CERS6: variants seen among roughly 807,000 people sequenced by gnomAD.
CERS6 encodes the protein LAG1 homolog, ceramide synthase 6.
Under a neutral mutation model 56.8 loss-of-function variants are expected in CERS6, and 26 were observed. That is an observed-to-expected ratio of 0.46 (90% CI 0.34 to 0.63). The LOEUF is 0.63. CERS6 is among the 30% of genes least tolerant of loss of function. The pLI is 0.01. For synonymous variants in CERS6, 164 were observed against 173.3 expected (o/e 0.95, Z 0.42); for missense variants, 415 against 467.5 (o/e 0.89, Z 1.04).
chr2:168,737,961 G>A (rs1402588049), intron 8 of CERS6, among the ~76,000 whole-genome samples: 1 of 152,156 alleles, frequency 6.6e-6, no homozygotes, highest in Non-Finnish European at 1.5e-5. Context: ...GTATAGATGA[G>A]ATATCTGTAC....
At chr2:168,729,855 C>G (rs1008764902) in intron 8 of CERS6, among the ~76,000 whole-genome samples, 1 of 152,168 alleles carries the variant, frequency 6.6e-6, no homozygotes, top group Non-Finnish European at 1.5e-5. Flanking sequence ...GATAAAGAAT[C>G]ATTTCTTCTT....
intron 3 of CERS6, among the ~76,000 whole-genome samples, chr2:168,597,680 A>G (rs992297047): frequency 2.0e-5 from 3 of 152,220 alleles, no homozygotes; most frequent in African/African-American, 7.2e-5. Flanking sequence ...TTGAATATGT[A>G]AAGTTTTAGA....
rs145764483 is a variant in CERS6 at position 168,466,604 on chromosome 2, T to C, written c.170+9986T>C. Among the ~76,000 whole-genome samples the C allele has an allele frequency of 4.4e-3, 666 of 152,368 alleles. 2 individuals are homozygous for C. Among genetic ancestry groups the C allele is most frequent in the Admixed American group, 6.9e-3 (106 of 15,304 alleles). ...ACAGTAGTTTTTGAAGTTTAATGTT[T>C]GGTCATTGTACAAAATACTGTTTTC... On this transcript the variant is annotated intron_variant, in intron 1 of 9. Transcript: ENST00000305747.
chr2:168,504,891 A>G lies in CERS6; in HGVS notation c.171-42705A>G, dbSNP rs73018565. Reference sequence around the variant, plus strand: ...TTTGTTGGGGTCTAAATGTATGGTAATAGGTGGTGCTGAGTGAATTAGACC... The same window carrying G: ...TTTGTTGGGGTCTAAATGTATGGTAGTAGGTGGTGCTGAGTGAATTAGACC... On this transcript the variant is annotated intron_variant, in intron 1 of 9. Transcript: ENST00000305747. 7.0e-3 allele frequency among the ~76,000 whole-genome samples: 1,070 copies of G among 152,220 alleles called. 11 individuals carry two copies. The highest frequency in any genetic ancestry group is 0.024 in the African/African-American group (982 of 41,534).
rs534289689 is a variant in CERS6, at chr2:168,498,177, C to A, written c.170+41559C>A. The stretch of plus-strand genomic sequence containing the variant: ...AAAGTGTTTGCCAACATTTAAAACC[C>A]TTTTCTAAGGTTATTGATAACCTCT... On this transcript the variant is annotated intron_variant, in intron 1 of 9. Coordinates refer to ENST00000305747, the MANE Select transcript of CERS6 (RefSeq NM_203463.3). Among the ~76,000 whole-genome samples the A allele has an allele frequency of 2.6e-4, 39 of 152,262 alleles. No homozygotes were observed. In the South Asian group the frequency reaches 4.6e-3, roughly 18 times the overall value.
At chr2:168,668,205 A>G (rs568780045) in intron 4 of CERS6, among the ~76,000 whole-genome samples, 101 of 152,114 alleles carry the variant, frequency 6.6e-4, no homozygotes, top group Non-Finnish European at 1.3e-3. Flanking sequence ...GTAATCTCAA[A>G]TGTTCTTCAA....
chr2:168,569,362 A>G lies in CERS6; in HGVS notation c.407+8040A>G, dbSNP rs145225438. 3.1e-4 allele frequency among the ~76,000 whole-genome samples: 47 copies of G among 152,350 alleles called. No individual in the cohort carries two copies. In the East Asian group the frequency reaches 7.9e-3, roughly 26 times the overall value. On this transcript the variant is annotated intron_variant, in intron 3 of 9. Transcript: ENST00000305747. ...AACGTATGTGTTCTGGGGGCACACA[A>G]TTCAGTCTGTAACAATGTCAGAAGG...
intron 1 of CERS6, among the ~76,000 whole-genome samples, chr2:168,492,279 C>T (rs565112718): frequency 6.6e-6 from 1 of 152,354 alleles, no homozygotes; most frequent in South Asian, 2.1e-4. Context: ...TCTCCAGCAT[C>T]TGTCGTTTCC....
intron 1 of CERS6, among the ~76,000 whole-genome samples, chr2:168,510,419 A>T (rs1558977933): frequency 6.6e-6 from 1 of 152,214 alleles, no homozygotes; most frequent in Non-Finnish European, 1.5e-5. Context: ...AGATTCACAG[A>T]TACCATTGTG....
Position 168,772,416 on chromosome 2 carries a change from T to A in CERS6, c.*2754T>A, listed in dbSNP as rs955711745. The stretch of plus-strand genomic sequence containing the variant: ...GATATAAAAACATGTGTTCTATTTA[T>A]GTATATATATGTATGTTTCTCCAAA... On this transcript the variant is annotated 3_prime_UTR_variant, in exon 10 of 10. Transcript: ENST00000305747. The A allele has an allele frequency of 6.6e-6, 1 of 152,630 alleles. No individual in the cohort carries two copies. Among genetic ancestry groups the A allele is most frequent in the African/African-American group, 2.4e-5 (1 of 41,448 alleles). The allele number at this position is 152,630 out of a possible 1,614,324, so 9.5% of individuals were successfully genotyped here.
intron 1 of CERS6, among the ~76,000 whole-genome samples, chr2:168,508,216 T>G (rs1455649989): frequency 6.6e-6 from 1 of 152,204 alleles, no homozygotes; most frequent in Non-Finnish European, 1.5e-5. Context: ...TAACTCAGTG[T>G]TTGAATAAAT....
At chr2:168,497,169 T>G (rs1219562367) in intron 1 of CERS6, among the ~76,000 whole-genome samples, 1 of 152,078 alleles carries the variant, frequency 6.6e-6, no homozygotes, top group African/African-American at 2.4e-5. Context: ...AAAAAGAAAG[T>G]GTGGTAGACA....
In CERS6 at chr2:168,479,808, A is replaced by G. The variant is rs561163214; in HGVS notation, c.170+23190A>G. ...TTTTCAGTAGAGACGGGGTTTCTCC[A>G]TGTTGGTCAGGCTGGTCTCGAACTT... is the stretch of plus-strand genomic sequence containing the variant. On this transcript the variant is annotated intron_variant, in intron 1 of 9. Transcript: ENST00000305747. Among the ~76,000 whole-genome samples the G allele has an allele frequency of 7.2e-5, 11 of 152,192 alleles. No homozygotes were observed. The South Asian group carries it at 1.7e-3, about 23-fold the overall frequency.
chr2:168,470,661 C>A (rs1693959578), intron 1 of CERS6, among the ~76,000 whole-genome samples: 1 of 152,116 alleles, frequency 6.6e-6, no homozygotes, highest in African/African-American at 2.4e-5. Context: ...GTTAAGCTCC[C>A]ACACTTAAAT....
chr2:168,711,571 C>T (rs547632867), intron 6 of CERS6, among the ~76,000 whole-genome samples: 66 of 151,574 alleles, frequency 4.4e-4, no homozygotes, highest in African/African-American at 1.3e-3. Flanking sequence ...CCGTCTCAAC[C>T]GAAAATACAA....
In CERS6 at chr2:168,772,722, G is replaced by A. The variant is rs1320057595; in HGVS notation, c.*3060G>A. ...GTTGAGCATAGGGAAGCAACTCTCAGTATTTTGGATTATTCAAGTGTATGT... is the reference window on the plus strand; with the variant it reads ...GTTGAGCATAGGGAAGCAACTCTCAATATTTTGGATTATTCAAGTGTATGT... On this transcript the variant is annotated 3_prime_UTR_variant, in exon 10 of 10. Coordinates refer to ENST00000305747, the MANE Select transcript of CERS6 (RefSeq NM_203463.3). 6.6e-6 allele frequency: 1 copy of A among 152,614 alleles called. No individual in the cohort carries two copies. Among genetic ancestry groups the A allele is most frequent in the Non-Finnish European group, 1.5e-5 (1 of 68,044 alleles). 9.5% of individuals were successfully genotyped at this position (152,614 alleles called of 1,614,324 possible). A position where few individuals can be genotyped will look rare whatever the true frequency, so the allele number is the denominator to read the frequency against.
intron 1 of CERS6, among the ~76,000 whole-genome samples, chr2:168,492,655 T>C (rs1342828339): frequency 2.0e-5 from 3 of 152,336 alleles, no homozygotes; most frequent in South Asian, 2.1e-4. Flanking sequence ...TTTGTTGCCA[T>C]TGCTTTTGGT....
At chr2:168,689,357 A>G (rs531143914) in intron 4 of CERS6, among the ~76,000 whole-genome samples, 3 of 152,280 alleles carry the variant, frequency 2.0e-5, no homozygotes, top group East Asian at 1.9e-4. Flanking sequence ...CTGCATATAT[A>G]TGGGTATTTA....
intron 2 of CERS6, among the ~76,000 whole-genome samples, chr2:168,558,684 A>G (rs1574064988): frequency 6.6e-6 from 1 of 152,210 alleles, no homozygotes; most frequent in Admixed American, 6.5e-5. Context: ...CCTGGCTAAC[A>G]CAGTGAAACC....
Sources: gnomAD v4.1 joint callset for allele counts (sites outside exome capture counted in the v4.1 genomes callset) on GRCh38, gnomAD v4.1.1 for gene constraint, MANE v1.5 for transcripts, NCBI Gene and HGNC (gene_info 2026-07-23, HGNC 2026-07-21) for gene names.